The following GLT6D1 variants were observed in gnomAD, a reference collection of about 807,000 sequenced individuals.
GLT6D1 encodes the protein glycosyltransferase 6 domain containing 1, also known as putative glycosyltransferase 6 domain-containing protein 1.
In GLT6D1, 9 loss-of-function variants were observed where a neutral mutation model predicts 12.3. That is an observed-to-expected ratio of 0.73 (90% confidence interval 0.44 to 1.27). The LOEUF is 1.27. Among genes scored for constraint, GLT6D1 ranks in the 50% most tolerant of loss-of-function variants. The probability of loss-of-function intolerance (pLI) is 0.00; values close to 1 mark genes in which losing one functional copy is unlikely to be tolerated. For synonymous variants in GLT6D1, 128 were observed against 132.3 expected, an observed-to-expected ratio of 0.97 and a Z score of 0.23; for missense variants, 335 against 346.2, an observed-to-expected ratio of 0.97 and a Z score of 0.26.
At chr9:135,624,724 CTTTTTTTTTTTTTT>C (rs72471205) in intron 4 of GLT6D1, 54 bp from the exon 5 acceptor site, 689 of 563,774 alleles carry the variant, frequency 1.2e-3, no homozygotes, top group African/African-American at 2.3e-3. Flanking sequence ...TCTTTTCTTT[CTTTTTTTTTTTTTT>C]TTTTTTTTTG....
chr9:135,631,160 A>C (rs1448508428), intron 3 of GLT6D1, among the ~76,000 whole-genome samples: 1 of 152,226 alleles, frequency 6.6e-6, no homozygotes, highest in African/African-American at 2.4e-5. Flanking sequence ...CATCAGTGGC[A>C]TATTCAAGCT....
upstream of GLT6D1, among the ~76,000 whole-genome samples, chr9:135,640,363 A>T (rs1485355757): frequency 1.3e-5 from 2 of 152,220 alleles, no homozygotes; most frequent in Non-Finnish European, 2.9e-5. Flanking sequence ...TAAATTATGA[A>T]AATTAATTCA....
chr9:135,624,551 G>C lies in GLT6D1; in HGVS notation c.377C>G (p.Pro126Arg). The C allele has an allele frequency of 6.2e-7, 1 of 1,613,940 alleles. No individual in the cohort carries two copies. Among genetic ancestry groups the C allele is most frequent in the Non-Finnish European group, 8.5e-7 (1 of 1,180,032 alleles). ...DAFFKLPDIE[P>R]SPLRTFKAFK... The stretch of plus-strand genomic sequence containing the variant: ...TGCTTTGAACGTTCGAAGAGGACTG[G>C]GCTCTATGTCAGGCAGCTTGAAGAA... Residue 126 changes from proline (P) to arginine (R), a missense_variant, in exon 5 of 5, where the codon CCC becomes CGC. Transcript: ENST00000371763.
rs145402697 is a variant in GLT6D1, at chr9:135,632,557, C to T, written c.72-1079G>A. Among the ~76,000 whole-genome samples, 82 of 152,228 alleles carry T rather than the reference C, an allele frequency of 5.4e-4. 1 individual carries two copies. The highest frequency in any genetic ancestry group is 1.9e-3 in the African/African-American group (80 of 41,530). ...TAATAAAAAGTCCCCATTCTTTGAC[C>T]GTGCTGGTCTTATTAATTTCTGGGG... On this transcript the variant is annotated intron_variant, in intron 2 of 4. Transcript: ENST00000371763.
chr9:135,630,342 C>T (rs1442418925), intron 3 of GLT6D1, among the ~76,000 whole-genome samples: 1 of 148,256 alleles, frequency 6.7e-6, no homozygotes, highest in African/African-American at 2.5e-5. Context: ...GCAGGCAGAG[C>T]TTGCAGTGAG....
intron 3 of GLT6D1, among the ~76,000 whole-genome samples, chr9:135,630,722 CA>C (rs35598173): frequency 0.35 from 36,677 of 105,006 alleles, 4,326 homozygotes; most frequent in Middle Eastern, 0.45. Context: ...TCTGTCTCTA[CA>C]AAAAAAAAAA....
rs1452218366 is a variant in GLT6D1 at position 135,624,050 on chromosome 9, G to A, written c.*47C>T. On this transcript the variant is annotated 3_prime_UTR_variant, in exon 5 of 5. Transcript: ENST00000371763. ...TGCGACCTTGACGTATTGGATCTGT[G>A]GAGGAGGAGAAAATGCAAGATCCCA... The A allele has an allele frequency of 5.9e-6, 7 of 1,184,964 alleles. No homozygotes were observed. In the East Asian group the frequency reaches 1.4e-4, roughly 24 times the overall value. The allele number at this position is 1,184,964 out of a possible 1,614,324, so 73.4% of individuals were successfully genotyped here. A position where few individuals can be genotyped will look rare whatever the true frequency, so the allele number is the denominator to read the frequency against.
chr9:135,638,208 C>T (rs1833819735), intron 2 of GLT6D1, among the ~76,000 whole-genome samples: 1 of 152,170 alleles, frequency 6.6e-6, no homozygotes, highest in Admixed American at 6.5e-5. Context: ...TCTCATGAGA[C>T]GTATTCACTA....
chr9:135,624,611 C>A lies in GLT6D1; in HGVS notation c.317G>T (p.Gly106Val). ...CATGATGTAGAAGATCACTCGGTAG[C>A]CTGTCATGAAGTGCTTATTTGCGGA... Reference protein sequence around the residue: ...LHSANKHFMTGYRVIFYIMVD... With the variant: ...LHSANKHFMTVYRVIFYIMVD... The change falls in exon 5 of 5, where the codon GGC (glycine) becomes GTC (valine). Residue 106 changes from glycine (G) to valine (V), a missense_variant. Gly to Val is a moderately radical substitution (Grantham distance 109). Coordinates refer to ENST00000371763, the MANE Select transcript of GLT6D1 (RefSeq NM_182974.3). The A allele has an allele frequency of 6.2e-7, 1 of 1,612,750 alleles. No individual in the cohort carries two copies. Among genetic ancestry groups the A allele is most frequent in the Non-Finnish European group, 8.5e-7 (1 of 1,179,672 alleles).
At chr9:135,628,019 T>C (rs1253293545) in intron 3 of GLT6D1, among the ~76,000 whole-genome samples, 5 of 152,206 alleles carry the variant, frequency 3.3e-5, no homozygotes, top group African/African-American at 1.2e-4. Context: ...CCTTTGCCCA[T>C]TTTAAATTAC....
chr9:135,637,611 T>G (rs760562718), intron 2 of GLT6D1, among the ~76,000 whole-genome samples: 4 of 152,128 alleles, frequency 2.6e-5, no homozygotes, highest in Non-Finnish European at 4.4e-5. Context: ...TAGTGGTATC[T>G]CCTTGTTTTC....
intron 2 of GLT6D1, among the ~76,000 whole-genome samples, chr9:135,637,915 C>T (rs530952690): frequency 1.3e-5 from 2 of 152,268 alleles, no homozygotes; most frequent in African/African-American, 4.8e-5. Flanking sequence ...TCTGGAAACA[C>T]TGCATTGCTT....
chr9:135,625,643 G>A (rs1172021334), intron 4 of GLT6D1, among the ~76,000 whole-genome samples: 1 of 152,126 alleles, frequency 6.6e-6, no homozygotes, highest in African/African-American at 2.4e-5. Flanking sequence ...CACTAGGATT[G>A]CAATGCATTG....
intron 2 of GLT6D1, among the ~76,000 whole-genome samples, chr9:135,637,698 G>A (rs559944962): frequency 2.0e-5 from 3 of 152,236 alleles, no homozygotes; most frequent in East Asian, 3.9e-4. Context: ...CTTCTCTTGT[G>A]AGATTCTATT....
upstream of GLT6D1, among the ~76,000 whole-genome samples, chr9:135,640,587 G>A (rs1003838833): frequency 2.0e-5 from 3 of 152,074 alleles, no homozygotes; most frequent in South Asian, 6.2e-4. Flanking sequence ...AGGTGTGGTG[G>A]CTCACGCCTG....
chr9:135,630,177 G>GACA (rs1833607811), intron 3 of GLT6D1, among the ~76,000 whole-genome samples: 1 of 151,732 alleles, frequency 6.6e-6, no homozygotes, highest in Non-Finnish European at 1.5e-5. Context: ...AGGCTAAGGA[G>GACA]GGTGGATCAC....
intron 2 of GLT6D1, among the ~76,000 whole-genome samples, chr9:135,632,611 T>C (rs950775140): frequency 4.0e-5 from 6 of 151,734 alleles, no homozygotes; most frequent in Admixed American, 2.6e-4. Context: ...GCAGAGAACA[T>C]CCTTGGCTGA....
At chr9:135,640,289 G>A (rs77867512), upstream of GLT6D1, among the ~76,000 whole-genome samples, 547 of 152,228 alleles carry the variant, frequency 3.6e-3, 3 homozygotes, top group East Asian at 7.5e-3. Flanking sequence ...ACTTCACATC[G>A]ATCACAGGTG....
upstream of GLT6D1, among the ~76,000 whole-genome samples, chr9:135,639,841 ACT>A (rs1833855848): frequency 8.1e-6 from 1 of 122,830 alleles, no homozygotes; most frequent in African/African-American, 3.0e-5. Flanking sequence ...TCTGATTTTC[ACT>A]TTTTTTTTTT....
Sources: allele counts gnomAD v4.1 joint callset (sites outside exome capture counted in the v4.1 genomes callset), GRCh38; gene constraint gnomAD v4.1.1; transcripts MANE v1.5; gene names NCBI Gene and HGNC (gene_info 2026-07-23, HGNC 2026-07-21).